Variants in PTPRD observed in about 807,000 individuals in gnomAD.
The protein encoded by PTPRD is protein tyrosine phosphatase receptor type D.
A neutral mutation model predicts 214.5 loss-of-function variants in PTPRD; 34 were observed. That is an observed-to-expected ratio of 0.16 (90% confidence interval 0.12 to 0.21). PTPRD has a LOEUF of 0.21. PTPRD is among the 10% of genes least tolerant of loss of function. The pLI is 1.00. For missense variants in PTPRD, 2,545 were observed against 2,398.7 expected, an observed-to-expected ratio of 1.06 and a Z score of -1.27; for synonymous variants, 1,128 against 845.7, an observed-to-expected ratio of 1.33 and a Z score of -5.79.
intron 3 of PTPRD, among the ~76,000 whole-genome samples, chr9:10,190,718 C>CAAAAAAAAAAAAAAAAAAA (rs57891244): frequency 2.3e-5 from 1 of 44,212 alleles, no homozygotes; most frequent in Non-Finnish European, 4.3e-5. Context: ...AACTCTGTCT[C>CAAAAAAAAAAAAAAAAAAA]AAAAAAAAAA....
At chr9:9,828,201 A>G (rs1045372996) in intron 5 of PTPRD, among the ~76,000 whole-genome samples, 2 of 152,106 alleles carry the variant, frequency 1.3e-5, no homozygotes, top group African/African-American at 4.8e-5. Flanking sequence ...AGACACATAC[A>G]CACGCATGTT....
chr9:10,224,140 G>A (rs897387312), intron 3 of PTPRD, among the ~76,000 whole-genome samples: 5 of 151,694 alleles, frequency 3.3e-5, no homozygotes, highest in Non-Finnish European at 5.9e-5. Context: ...ATATTAAGAA[G>A]GATAATCATA....
chr9:9,554,109 T>C (rs2080962479), intron 8 of PTPRD, among the ~76,000 whole-genome samples: 1 of 152,028 alleles, frequency 6.6e-6, no homozygotes, highest in Non-Finnish European at 1.5e-5. Flanking sequence ...TATGACAGTA[T>C]TTCATGGGAT....
At chr9:9,312,550 C>T (rs1223620256) in intron 9 of PTPRD, among the ~76,000 whole-genome samples, 2 of 152,106 alleles carry the variant, frequency 1.3e-5, no homozygotes, top group Admixed American at 6.5e-5. Flanking sequence ...TGGTTTCCGC[C>T]TACATCCCAA....
chr9:10,100,788 T>C (rs2154213162), intron 3 of PTPRD, among the ~76,000 whole-genome samples: 1 of 151,780 alleles, frequency 6.6e-6, no homozygotes, highest in Non-Finnish European at 1.5e-5. Context: ...CTATTGATCC[T>C]ATAAGCTGGG....
At chr9:9,395,930 CT>C (rs2067631195) in intron 9 of PTPRD, among the ~76,000 whole-genome samples, 1 of 151,942 alleles carries the variant, frequency 6.6e-6, no homozygotes, top group South Asian at 2.1e-4. Context: ...ATATGATTGC[CT>C]TTGAATAGAT....
intron 36 of PTPRD, among the ~76,000 whole-genome samples, chr9:8,404,320 G>C (rs2092750268): frequency 1.3e-5 from 2 of 152,072 alleles, no homozygotes; most frequent in African/African-American, 4.8e-5. Flanking sequence ...GTAGAGATGG[G>C]TTTTCAGCAT....
At chr9:9,652,660 G>A (rs1010850267) in intron 7 of PTPRD, among the ~76,000 whole-genome samples, 1 of 150,710 alleles carries the variant, frequency 6.6e-6, no homozygotes, top group African/African-American at 2.4e-5. Context: ...TTTTGCCCAG[G>A]CTGGAGTGCA....
Position 9,681,059 on chromosome 9 carries a change from A to C in PTPRD, c.-287+53474T>G, listed in dbSNP as rs961593789. ...ATTGTTATTTTATTGCACTTTTCAA[A>C]TTTGTAATAGAGATTTCAAAATAAG... On this transcript the variant is annotated intron_variant, in intron 7 of 45. Transcript: ENST00000381196. Among the ~76,000 whole-genome samples, 8 of 151,972 alleles carry C rather than the reference A, an allele frequency of 5.3e-5. 1 individual carries two copies. In the South Asian group the frequency reaches 1.2e-3, roughly 24 times the overall value.
intron 10 of PTPRD, among the ~76,000 whole-genome samples, chr9:9,095,012 C>G (rs1372982955): frequency 6.6e-6 from 1 of 152,052 alleles, no homozygotes; most frequent in African/African-American, 2.4e-5. Flanking sequence ...GAATGTCTAG[C>G]CCAACATTTG....
chr9:8,330,882 C>CAGAACCCTAAAATATATTAGTTTAA (rs1254699794), intron 44 of PTPRD, among the ~76,000 whole-genome samples: 1 of 149,822 alleles, frequency 6.7e-6, no homozygotes. Flanking sequence ...GTCAAGTTGC[C>CAGAACCCTAAAATATATTAGTTTAA]AGAACCCTAA....
intron 11 of PTPRD, among the ~76,000 whole-genome samples, chr9:8,739,854 C>T (rs2091466768): frequency 6.6e-6 from 1 of 152,106 alleles, no homozygotes; most frequent in Non-Finnish European, 1.5e-5. Flanking sequence ...CTCATGAGAT[C>T]TGATGATTAC....
At chr9:10,182,005 C>T (rs1041317273) in intron 3 of PTPRD, among the ~76,000 whole-genome samples, 4 of 143,802 alleles carry the variant, frequency 2.8e-5, no homozygotes, top group African/African-American at 1.0e-4. Flanking sequence ...CCTGTAATCC[C>T]AGCACTTTGT....
chr9:8,542,385 T>C (rs1181387777), intron 14 of PTPRD, among the ~76,000 whole-genome samples: 1 of 152,152 alleles, frequency 6.6e-6, no homozygotes, highest in Admixed American at 6.6e-5. Flanking sequence ...CAAGATAAAC[T>C]TACATTAGGA....
intron 11 of PTPRD, among the ~76,000 whole-genome samples, chr9:8,784,689 G>C (rs917384273): frequency 2.0e-5 from 3 of 152,052 alleles, no homozygotes; most frequent in African/African-American, 7.2e-5. Flanking sequence ...AGTTTGCTTA[G>C]CCTGCTTACC....
chr9:9,845,935 A>G (rs988548710), intron 5 of PTPRD, among the ~76,000 whole-genome samples: 1 of 152,080 alleles, frequency 6.6e-6, no homozygotes, highest in Non-Finnish European at 1.5e-5. Context: ...GGAGCAGAGT[A>G]ACTCAAAGAA....
intron 10 of PTPRD, among the ~76,000 whole-genome samples, chr9:9,177,402 C>T (rs930470096): frequency 3.3e-5 from 5 of 152,006 alleles, no homozygotes; most frequent in African/African-American, 1.2e-4. Context: ...TATCACGACC[C>T]TAATTGTTTT....
intron 11 of PTPRD, among the ~76,000 whole-genome samples, chr9:8,845,349 G>A (rs74464796): frequency 0.012 from 1,800 of 152,240 alleles, 39 homozygotes; most frequent in African/African-American, 0.039. Context: ...TCGCCAAATC[G>A]TACATGTCAT....
Position 8,316,234 on chromosome 9 carries a change from T to C in PTPRD, c.*1640A>G, listed in dbSNP as rs1821669128. 1 of 229,906 alleles carries C rather than the reference T, an allele frequency of 4.3e-6. No individual in the cohort carries two copies. The highest frequency in any genetic ancestry group is 1.8e-4 in the South Asian group (1 of 5,504). 14.2% of individuals were successfully genotyped at this position (229,906 alleles called of 1,614,324 possible). ...ATATTATTCAAAGAGTTTTTGTACA[T>C]GTGGTAAACAGATAATGCTTTAATA... On this transcript the variant is annotated 3_prime_UTR_variant, in exon 46 of 46. Coordinates refer to ENST00000381196, the MANE Select transcript of PTPRD (RefSeq NM_002839.4).
Sources: allele counts gnomAD v4.1 joint callset (sites outside exome capture counted in the v4.1 genomes callset), GRCh38; gene constraint gnomAD v4.1.1; transcripts MANE v1.5; gene names NCBI Gene and HGNC (gene_info 2026-07-23, HGNC 2026-07-21).